The following PAPPA variants were observed in gnomAD, a reference collection of about 807,000 sequenced individuals.
PAPPA encodes pappalysin 1.
PAPPA carries 60 observed loss-of-function variants against 164.0 expected under a neutral mutation model. The ratio of observed to expected loss-of-function variants is 0.37; its 90% confidence interval spans 0.30 to 0.45. The LOEUF is 0.45. Ranked by LOEUF, PAPPA falls within the 20% of genes least tolerant of loss-of-function variation. The pLI, the probability that PAPPA is intolerant of heterozygous loss-of-function variation, is 1.00. For missense variants in PAPPA, 1,782 were observed against 2,087.3 expected, an observed-to-expected ratio of 0.85 and a Z score of 2.85; for synonymous variants, 875 against 814.1, an observed-to-expected ratio of 1.07 and a Z score of -1.27.
At chr9:116,343,741 T>TTTTATTCATTTATTTA (rs1554753952) in intron 13 of PAPPA, among the ~76,000 whole-genome samples, 2 of 142,230 alleles carry the variant, frequency 1.4e-5, no homozygotes, top group African/African-American at 5.2e-5. Context: ...TACCACTTAT[T>TTTTATTCATTTATTTA]TTTATTTATT....
rs922339453 is a variant in PAPPA, at chr9:116,341,501, T to C, written c.3612-3042T>C. Among the ~76,000 whole-genome samples the C allele has an allele frequency of 5.3e-5, 8 of 152,324 alleles. No homozygotes were observed. The East Asian group carries it at 1.5e-3, about 29-fold the overall frequency. ...TTTTACCCAGGTAGTAGTTTAGATG[T>C]CCCTTCCTCATGGATCCTTCTATAC... On this transcript the variant is annotated intron_variant, in intron 13 of 21. Transcript: ENST00000328252.
At chr9:116,157,964 C>A (rs1033155323) in intron 1 of PAPPA, among the ~76,000 whole-genome samples, 16 of 152,016 alleles carry the variant, frequency 1.1e-4, no homozygotes, top group Non-Finnish European at 2.9e-5. Flanking sequence ...CGAGCAGAGG[C>A]CTTGAGCAGC....
chr9:116,348,574 G>A (rs903511960), intron 15 of PAPPA, among the ~76,000 whole-genome samples: 4 of 152,030 alleles, frequency 2.6e-5, no homozygotes, highest in Admixed American at 6.6e-5. Flanking sequence ...GAGGTTCATT[G>A]TACAGATTAT....
intron 18 of PAPPA, 93 bp from the exon 19 acceptor site, chr9:116,367,552 C>T: frequency 1.1e-6 from 1 of 894,676 alleles, no homozygotes; most frequent in Non-Finnish European, 1.8e-6. Context: ...CCACCAGGGA[C>T]CAGGGAGTGG....
chr9:116,304,944 G>A (rs1845625133), intron 10 of PAPPA, among the ~76,000 whole-genome samples: 1 of 152,044 alleles, frequency 6.6e-6, no homozygotes, highest in Non-Finnish European at 1.5e-5. Flanking sequence ...GGAGAATACA[G>A]GGTCGGGGAG....
intron 1 of PAPPA, among the ~76,000 whole-genome samples, chr9:116,171,712 G>GA: frequency 6.6e-6 from 1 of 152,260 alleles, no homozygotes; most frequent in Middle Eastern, 3.4e-3. Context: ...CCTCATGTCT[G>GA]ACTTTCTCTG....
intron 7 of PAPPA, among the ~76,000 whole-genome samples, chr9:116,258,168 A>T (rs1844954535): frequency 6.6e-6 from 1 of 152,050 alleles, no homozygotes; most frequent in Non-Finnish European, 1.5e-5. Context: ...AAATACACTG[A>T]TACATTCAAT....
chr9:116,173,726 C>A (rs1272981831), intron 1 of PAPPA, among the ~76,000 whole-genome samples: 1 of 152,122 alleles, frequency 6.6e-6, no homozygotes, highest in Non-Finnish European at 1.5e-5. Context: ...AGTCTTTGAC[C>A]AGCTTCTCCT....
Position 116,299,333 on chromosome 9 carries a change from C to G in PAPPA, c.2954-3424C>G, listed in dbSNP as rs565848821. Among the ~76,000 whole-genome samples, 121 of 152,156 alleles carry G rather than the reference C, an allele frequency of 8.0e-4. 1 individual carries two copies. Among genetic ancestry groups the G allele is most frequent in the African/African-American group, 2.7e-3 (112 of 41,534 alleles). On this transcript the variant is annotated intron_variant, in intron 9 of 21. Coordinates refer to ENST00000328252, the MANE Select transcript of PAPPA (RefSeq NM_002581.5). ...TATATATCATCTATTACTTATCGAC[C>G]TGCCTGTATACCTGTTTACCTACCT...
intron 7 of PAPPA, among the ~76,000 whole-genome samples, chr9:116,263,610 G>A (rs563556800): frequency 1.3e-5 from 2 of 152,178 alleles, no homozygotes; most frequent in South Asian, 4.2e-4. Flanking sequence ...CTTTATAATT[G>A]TTCTCATGCT....
At chr9:116,235,803 G>A (rs548748490) in intron 7 of PAPPA, among the ~76,000 whole-genome samples, 166 bp downstream of exon 7, 1 of 150,698 alleles carries the variant, frequency 6.6e-6, no homozygotes, top group East Asian at 2.0e-4. Context: ...TGGCAGAGTT[G>A]ATATCATGGG....
chr9:116,362,750 C>T lies in PAPPA; in HGVS notation c.4495+11C>T, dbSNP rs1181226185. ...ATGGCTATGCCATAGGTATGATGGG[C>T]CCGAGAGGGGAGCAGTAGGAGGGGC... On this transcript the variant is annotated intron_variant, in intron 18 of 21. Coordinates refer to ENST00000328252, the MANE Select transcript of PAPPA (RefSeq NM_002581.5). 1.2e-6 allele frequency: 2 copies of T among 1,608,700 alleles called. No homozygotes were observed. Among genetic ancestry groups the T allele is most frequent in the African/African-American group, 1.3e-5 (1 of 74,700 alleles).
chr9:116,260,739 T>C (rs1011877134), intron 7 of PAPPA, among the ~76,000 whole-genome samples: 3 of 145,982 alleles, frequency 2.1e-5, no homozygotes, highest in African/African-American at 7.4e-5. Context: ...TCTTCTTTCA[T>C]AGTTAAAAAA....
chr9:116,245,879 G>A (rs1010349323), intron 7 of PAPPA, among the ~76,000 whole-genome samples: 2 of 152,060 alleles, frequency 1.3e-5, no homozygotes, highest in African/African-American at 2.4e-5. Context: ...AAACCTCTCC[G>A]CAAAGTAACA....
chr9:116,390,876 A>G (rs923771107), intron 21 of PAPPA, among the ~76,000 whole-genome samples: 3 of 152,084 alleles, frequency 2.0e-5, no homozygotes, highest in Non-Finnish European at 2.9e-5. Context: ...CATCACCACC[A>G]TCACCACTAG....
At chr9:116,331,614 G>A (rs1264643516) in intron 11 of PAPPA, among the ~76,000 whole-genome samples, 1 of 152,188 alleles carries the variant, frequency 6.6e-6, no homozygotes, top group African/African-American at 2.4e-5. Context: ...CATTGTTCAA[G>A]ATCTTTTAAA....
intron 1 of PAPPA, among the ~76,000 whole-genome samples, chr9:116,161,878 T>C (rs1843668475): frequency 6.6e-6 from 1 of 152,158 alleles, no homozygotes; most frequent in African/African-American, 2.4e-5. Flanking sequence ...CTAAAAGTGT[T>C]TGAGAGCCAC....
At chr9:116,261,372 A>C (rs1408739185) in intron 7 of PAPPA, among the ~76,000 whole-genome samples, 1 of 152,176 alleles carries the variant, frequency 6.6e-6, no homozygotes, top group Non-Finnish European at 1.5e-5. Flanking sequence ...TTTCTGGAAG[A>C]AGCAAAATGT....
At chr9:116,195,658 G>A (rs1297506185) in intron 2 of PAPPA, among the ~76,000 whole-genome samples, 1 of 152,176 alleles carries the variant, frequency 6.6e-6, no homozygotes, top group Non-Finnish European at 1.5e-5. Flanking sequence ...CTGGCACATA[G>A]TGAAGTCTGA....
Sources: gnomAD v4.1 joint callset for allele counts (sites outside exome capture counted in the v4.1 genomes callset) on GRCh38, gnomAD v4.1.1 for gene constraint, MANE v1.5 for transcripts, NCBI Gene and HGNC (gene_info 2026-07-23, HGNC 2026-07-21) for gene names.